Variants in GUCA1C observed in about 807,000 individuals in gnomAD.
GUCA1C encodes guanylate cyclase activator 1C.
In GUCA1C, 15 loss-of-function variants were observed where a neutral mutation model predicts 16.2. The observed-to-expected ratio is 0.93, with a 90% CI of 0.62 to 1.43. GUCA1C has a LOEUF of 1.43. Ranked by LOEUF, GUCA1C falls within the 40% of genes most tolerant of loss-of-function variation. GUCA1C has a pLI of 0.00. For synonymous variants in GUCA1C, 78 were observed against 85.4 expected, an observed-to-expected ratio of 0.91 and a Z score of 0.48; for missense variants, 275 against 244.8, an observed-to-expected ratio of 1.12 and a Z score of -0.82.
At chr3:108,945,852 ATTTAAT>A (rs1946839438) in intron 1 of GUCA1C, among the ~76,000 whole-genome samples, 1 of 152,226 alleles carries the variant, frequency 6.6e-6, no homozygotes, top group African/African-American at 2.4e-5. Flanking sequence ...AAAGAGAAGT[ATTTAAT>A]TTTATGACCC....
chr3:108,929,115 A>G (rs1946645632), intron 1 of GUCA1C, among the ~76,000 whole-genome samples: 1 of 152,162 alleles, frequency 6.6e-6, no homozygotes, highest in Non-Finnish European at 1.5e-5. Context: ...TTCTTTTATC[A>G]GAGTTTTGTA....
intron 2 of GUCA1C, among the ~76,000 whole-genome samples, chr3:108,917,836 G>T (rs903945950): frequency 1.3e-5 from 2 of 152,098 alleles, no homozygotes; most frequent in Non-Finnish European, 2.9e-5. Flanking sequence ...ACGAGGTCAG[G>T]AGTTCATAGA....
At chr3:108,944,319 C>T (rs1441527061) in intron 1 of GUCA1C, among the ~76,000 whole-genome samples, 2 of 152,154 alleles carry the variant, frequency 1.3e-5, no homozygotes, top group African/African-American at 4.8e-5. Context: ...CTGGCAGATG[C>T]ACCTGAATGT....
chr3:108,916,017 A>C (rs1396743761), intron 3 of GUCA1C, 110 bp downstream of exon 3: 1 of 1,347,184 alleles, frequency 7.4e-7, no homozygotes, highest in Non-Finnish European at 1.0e-6. Context: ...AGCCTAAGTC[A>C]CAACTAGGGT....
intron 1 of GUCA1C, among the ~76,000 whole-genome samples, chr3:108,950,559 G>A (rs1946886602): frequency 6.6e-6 from 1 of 152,142 alleles, no homozygotes; most frequent in Non-Finnish European, 1.5e-5. Flanking sequence ...CACTCAGAAA[G>A]TGTTATTGTT....
At chr3:108,931,443 C>T (rs1008925116) in intron 1 of GUCA1C, among the ~76,000 whole-genome samples, 1 of 152,216 alleles carries the variant, frequency 6.6e-6, no homozygotes, top group African/African-American at 2.4e-5. Context: ...AACCTTTCTA[C>T]TTAGACAAGG....
At chr3:108,912,958 G>C (rs1008151585) in intron 3 of GUCA1C, among the ~76,000 whole-genome samples, 14 of 151,980 alleles carry the variant, frequency 9.2e-5, no homozygotes, top group African/African-American at 3.1e-4. Context: ...CATTAATCCT[G>C]TACCTTTATT....
chr3:108,922,977 A>C (rs574508661), intron 1 of GUCA1C, among the ~76,000 whole-genome samples: 1 of 152,216 alleles, frequency 6.6e-6, no homozygotes, highest in South Asian at 2.1e-4. Context: ...CCTGCAAAGG[A>C]CATGAACTCA....
intron 3 of GUCA1C, 145 bp downstream of exon 3, chr3:108,915,982 G>T: frequency 1.2e-6 from 1 of 806,548 alleles, no homozygotes; most frequent in South Asian, 1.9e-5. Context: ...ATCATACTGA[G>T]AACATTGGAT....
At chr3:108,924,407 A>AT (rs1174113328) in intron 1 of GUCA1C, among the ~76,000 whole-genome samples, 1 of 151,852 alleles carries the variant, frequency 6.6e-6, no homozygotes, top group Non-Finnish European at 1.5e-5. Flanking sequence ...TGATCATGTG[A>AT]TTTTTTTAAA....
chr3:108,928,537 T>G (rs537032134), intron 1 of GUCA1C, among the ~76,000 whole-genome samples: 1 of 152,236 alleles, frequency 6.6e-6, no homozygotes, highest in African/African-American at 2.4e-5. Context: ...CTAGATTTTC[T>G]CCTAAGTTAT....
At chr3:108,926,867 T>C (rs192033116) in intron 1 of GUCA1C, among the ~76,000 whole-genome samples, 1 of 152,228 alleles carries the variant, frequency 6.6e-6, no homozygotes, top group Non-Finnish European at 1.5e-5. Context: ...TGGTTTATTT[T>C]GAGGATTTGT....
intron 1 of GUCA1C, among the ~76,000 whole-genome samples, chr3:108,945,195 G>A (rs1207229361): frequency 6.6e-6 from 1 of 152,242 alleles, no homozygotes; most frequent in Non-Finnish European, 1.5e-5. Flanking sequence ...TGCAGTCCCT[G>A]CCCACTTTCA....
intron 1 of GUCA1C, 42 bp from the exon 2 acceptor site, chr3:108,920,627 G>T (rs368134524): frequency 8.3e-5 from 97 of 1,168,224 alleles, no homozygotes; most frequent in Admixed American, 4.8e-4. Context: ...TATTTAAGAA[G>T]AATAATTGTT....
At chr3:108,915,664 G>C (rs1286571641) in intron 3 of GUCA1C, among the ~76,000 whole-genome samples, 2 of 152,122 alleles carry the variant, frequency 1.3e-5, no homozygotes, top group African/African-American at 4.8e-5. Flanking sequence ...CTCCAGAAAT[G>C]TTTAGTCCAA....
chr3:108,930,146 G>A (rs554586141), intron 1 of GUCA1C, among the ~76,000 whole-genome samples: 14 of 152,278 alleles, frequency 9.2e-5, no homozygotes, highest in Non-Finnish European at 1.6e-4. Flanking sequence ...CTCATTCTTC[G>A]CTATTTTCCC....
intron 3 of GUCA1C, among the ~76,000 whole-genome samples, chr3:108,913,932 G>T (rs972785989): frequency 3.3e-5 from 5 of 152,056 alleles, no homozygotes; most frequent in East Asian, 1.9e-4. Flanking sequence ...TGGGCATGGT[G>T]GGGGGAGCCT....
chr3:108,930,500 C>G lies in GUCA1C; in HGVS notation c.205-9915G>C, dbSNP rs190075955. ...ATATTTCAGATGTTGGAAGCTAATA[C>G]GGTAATCACTGTAGCATTGTTTTCT... On this transcript the variant is annotated intron_variant, in intron 1 of 3. Transcript: ENST00000261047. Among the ~76,000 whole-genome samples the G allele has an allele frequency of 7.9e-5, 12 of 152,302 alleles. No homozygotes were observed. In the East Asian group the frequency reaches 2.1e-3, roughly 27 times the overall value.
Position 108,916,020 on chromosome 3 carries a change from A to C in GUCA1C, c.442+107T>G, listed in dbSNP as rs149310159. ...GTCCCATTATGAAGCCTAAGTCACA[A>C]CTAGGGTTCTCTTGAATGGTTCCTG... On this transcript the variant is annotated intron_variant, in intron 3 of 3. Coordinates refer to ENST00000261047, the MANE Select transcript of GUCA1C (RefSeq NM_005459.4). The C allele has an allele frequency of 1.6e-3, 2,279 of 1,396,002 alleles. 10 individuals are homozygous for C. Among genetic ancestry groups the C allele is most frequent in the Middle Eastern group, 5.7e-3 (30 of 5,306 alleles). 86.5% of individuals were successfully genotyped at this position (1,396,002 alleles called of 1,614,324 possible). A position where few individuals can be genotyped will look rare whatever the true frequency, so the allele number is the denominator to read the frequency against.
Sources: gnomAD v4.1 joint callset for allele counts (sites outside exome capture counted in the v4.1 genomes callset) on GRCh38, gnomAD v4.1.1 for gene constraint, MANE v1.5 for transcripts, NCBI Gene and HGNC (gene_info 2026-07-23, HGNC 2026-07-21) for gene names.